CRB1: variants seen among roughly 807,000 people sequenced by gnomAD.
CRB1 encodes protein crumbs homolog 1.
In CRB1, 83 loss-of-function variants were observed where a neutral mutation model predicts 120.0. That is an observed-to-expected ratio of 0.69 (90% CI 0.58 to 0.83). CRB1 has a LOEUF of 0.83. Among genes scored for constraint, CRB1 ranks in the 40% least tolerant of loss-of-function variants. The pLI is 0.00. For synonymous variants in CRB1, 625 were observed against 612.5 expected (o/e 1.02, Z -0.30); for missense variants, 1,699 against 1,687.6 (o/e 1.01, Z -0.12).
chr1:197,436,497 TCAGA>T (rs1045607704), intron 9 of CRB1, among the ~76,000 whole-genome samples: 1 of 152,064 alleles, frequency 6.6e-6, no homozygotes, highest in Non-Finnish European at 1.5e-5. Context: ...ATTATAATTC[TCAGA>T]CAAATATAAA....
intron 5 of CRB1, among the ~76,000 whole-genome samples, chr1:197,402,269 T>C (rs920917947): frequency 4.6e-5 from 7 of 152,206 alleles, no homozygotes; most frequent in Non-Finnish European, 1.0e-4. Context: ...TCATGAGTTC[T>C]CATCATTTAG....
chr1:197,311,787 A>G (rs1657543514), intron 1 of CRB1, among the ~76,000 whole-genome samples: 1 of 151,674 alleles, frequency 6.6e-6, no homozygotes, highest in South Asian at 2.1e-4. Context: ...AATTTCAAGT[A>G]TATAATACAC....
chr1:197,312,040 T>G (rs1657562050), intron 1 of CRB1, among the ~76,000 whole-genome samples: 1 of 152,160 alleles, frequency 6.6e-6, no homozygotes, highest in Non-Finnish European at 1.5e-5. Context: ...GTAAGTAAAT[T>G]ATCACATCAT....
chr1:197,409,604 C>A (rs903583690), intron 5 of CRB1, among the ~76,000 whole-genome samples: 1 of 152,016 alleles, frequency 6.6e-6, no homozygotes, highest in Non-Finnish European at 1.5e-5. Flanking sequence ...TTGTAGAGAA[C>A]AAATGACTTA....
rs62645745 is a variant in CRB1, at chr1:197,434,744, ATAT to A, written c.2886_2888del (p.Leu962del). On this transcript the variant is annotated inframe_deletion, in exon 9 of 12. Transcript: ENST00000367400. ...TGTTTTTAATGGACAAAGCGGTCAA[ATAT>A]TATTCAGAAGCAATGGGAATATTAC... 2 of 1,613,668 alleles carry A rather than the reference ATAT, an allele frequency of 1.2e-6. No homozygotes were observed. Among genetic ancestry groups the A allele is most frequent in the Non-Finnish European group, 1.7e-6 (2 of 1,179,684 alleles).
intron 2 of CRB1, among the ~76,000 whole-genome samples, chr1:197,336,814 G>A (rs1489639473): frequency 6.6e-6 from 1 of 152,092 alleles, no homozygotes; most frequent in East Asian, 1.9e-4. Flanking sequence ...TGCTGTGGAA[G>A]AACAAAGAAA....
upstream of CRB1, among the ~76,000 whole-genome samples, chr1:197,265,303 T>C (rs1425042035): frequency 5.9e-5 from 9 of 152,008 alleles, no homozygotes; most frequent in Admixed American, 5.9e-4. Context: ...TCCTGCTTCT[T>C]TCTTTCCTTT....
chr1:197,364,714 C>A (rs899831037), intron 5 of CRB1, among the ~76,000 whole-genome samples: 62 of 151,998 alleles, frequency 4.1e-4, no homozygotes, highest in African/African-American at 1.5e-3. Context: ...TTGTTTTTTA[C>A]AAGTCTATAA....
intron 11 of CRB1, among the ~76,000 whole-genome samples, chr1:197,467,059 A>G (rs141347418): frequency 1.3e-5 from 2 of 152,346 alleles, no homozygotes; most frequent in South Asian, 2.1e-4. Context: ...ATAAAAGTGT[A>G]GAGCAGAGAG....
At chr1:197,366,937 A>G (rs1184825135) in intron 5 of CRB1, among the ~76,000 whole-genome samples, 1 of 152,238 alleles carries the variant, frequency 6.6e-6, no homozygotes, top group East Asian at 1.9e-4. Flanking sequence ...ATTTGGCAAA[A>G]TATGCTCATA....
At chr1:197,356,060 C>T (rs1171887171) in intron 4 of CRB1, among the ~76,000 whole-genome samples, 1 of 152,214 alleles carries the variant, frequency 6.6e-6, no homozygotes, top group Non-Finnish European at 1.5e-5. Context: ...TTCTGAAATA[C>T]TTGGCAGTAG....
intron 4 of CRB1, among the ~76,000 whole-genome samples, chr1:197,350,318 T>TA (rs916510501): frequency 2.0e-5 from 3 of 152,144 alleles, no homozygotes; most frequent in Non-Finnish European, 4.4e-5. Flanking sequence ...GGGATAAAAA[T>TA]ACTTTACTTG....
At chr1:197,202,753 G>A in the CRB1 span, among the ~76,000 whole-genome samples, 1 of 152,076 alleles carries the variant, frequency 6.6e-6, no homozygotes, top group Admixed American at 6.6e-5. Context: ...ATATGTAAAA[G>A]GTTTAGAAAC....
chr1:197,279,233 G>A (rs1655386761), intron 1 of CRB1, among the ~76,000 whole-genome samples: 1 of 151,576 alleles, frequency 6.6e-6, no homozygotes, highest in Admixed American at 6.6e-5. Flanking sequence ...GGTTGGGTAA[G>A]GAAAGAGAGG....
chr1:197,373,201 T>G (rs1226500948), intron 5 of CRB1, among the ~76,000 whole-genome samples: 1 of 152,152 alleles, frequency 6.6e-6, no homozygotes, highest in Non-Finnish European at 1.5e-5. Flanking sequence ...ATAGGTCACT[T>G]TAAAAAATAT....
chr1:197,343,559 T>G (rs1659593770), intron 2 of CRB1, among the ~76,000 whole-genome samples: 1 of 152,116 alleles, frequency 6.6e-6, no homozygotes. Context: ...TGTCACCAGT[T>G]TTTGTATTTA....
At chr1:197,287,514 C>T (rs1655895679) in intron 1 of CRB1, among the ~76,000 whole-genome samples, 1 of 151,794 alleles carries the variant, frequency 6.6e-6, no homozygotes, top group African/African-American at 2.4e-5. Flanking sequence ...GGATTGTAAG[C>T]ATGTGAAATT....
chr1:197,298,256 A>T (rs577202215), intron 1 of CRB1, among the ~76,000 whole-genome samples: 66 of 152,254 alleles, frequency 4.3e-4, no homozygotes, highest in Non-Finnish European at 7.8e-4. Context: ...AGCACGCTGA[A>T]ATTTTATCCT....
chr1:197,207,204 T>C, the CRB1 span, among the ~76,000 whole-genome samples: 1 of 152,162 alleles, frequency 6.6e-6, no homozygotes, highest in Non-Finnish European at 1.5e-5. Context: ...ATTTTGGCCG[T>C]TTACATTCAA....
Sources: gnomAD v4.1 joint callset for allele counts (sites outside exome capture counted in the v4.1 genomes callset) on GRCh38, gnomAD v4.1.1 for gene constraint, MANE v1.5 for transcripts, NCBI Gene and HGNC (gene_info 2026-07-23, HGNC 2026-07-21) for gene names.